NHSL1: variants seen among roughly 807,000 people sequenced by gnomAD.
NHSL1 encodes the protein NHS-like protein 1.
A neutral mutation model predicts 95.0 loss-of-function variants in NHSL1; 48 were observed. The observed-to-expected ratio is 0.51, with a 90% CI of 0.40 to 0.64. The LOEUF (loss-of-function observed/expected upper bound fraction) is 0.64, where lower values mean the gene tolerates loss of function less well. Among genes scored for constraint, NHSL1 ranks in the 30% least tolerant of loss-of-function variants. The pLI is 0.00. For missense variants in NHSL1, 1,971 were observed against 2,077.7 expected (o/e 0.95, Z 1.00); for synonymous variants, 783 against 833.9 (o/e 0.94, Z 1.05).
In NHSL1 at chr6:138,433,311, C is replaced by A; in HGVS notation, c.1034G>T (p.Gly345Val). 3 of 1,551,768 alleles carry A rather than the reference C, an allele frequency of 1.9e-6. No homozygotes were observed. Among genetic ancestry groups the A allele is most frequent in the Non-Finnish European group, 2.6e-6 (3 of 1,146,994 alleles). Residue 345 changes from glycine to valine, a missense_variant, in exon 6 of 8, where the codon GGC becomes GTC. By Grantham distance (109) the Gly-to-Val change is moderately radical (BLOSUM62 -3). Around this residue, in one of 3 missense-constraint regions of NHSL1, gnomAD observed 1,602 missense variants for 1,654.5 expected, o/e 0.97. Transcript: ENST00000343505. ...QSLEPRLGAL[G>V]PAGDMNGTFL... is the part of the protein sequence containing the mutation. ...AGTGCCATTCATGTCTCCTGCAGGG[C>A]CGAGGGCACCCAGCCTCGGCTCAAG...
intron 5 of NHSL1, among the ~76,000 whole-genome samples, chr6:138,434,701 G>A (rs1365248075): frequency 2.0e-5 from 3 of 151,978 alleles, no homozygotes; most frequent in Non-Finnish European, 4.4e-5. Context: ...ATCTCAACAC[G>A]GGCTTTGCTG....
At chr6:138,666,093 C>T (rs1374181274) in intron 1 of NHSL1, among the ~76,000 whole-genome samples, 2 of 151,468 alleles carry the variant, frequency 1.3e-5, no homozygotes, top group African/African-American at 4.9e-5. Context: ...CACCTGAAGT[C>T]AGGAGTTCGA....
Position 138,675,455 on chromosome 6 carries a change from G to A in NHSL1, c.96+17021C>T, listed in dbSNP as rs548115606. Among the ~76,000 whole-genome samples the A allele has an allele frequency of 2.0e-4, 30 of 152,254 alleles. No homozygotes were observed. The South Asian group carries it at 6.2e-3, about 32-fold the overall frequency. The stretch of plus-strand genomic sequence containing the variant: ...CACAGCTTAGGGAAGAGGGTGGGAG[G>A]AGTAGGAAAATGTCATCTTGGTATA... On this transcript the variant is annotated intron_variant, in intron 1 of 3. Transcript: ENST00000491526.
At chr6:138,544,537 G>A (rs1352455956) in intron 1 of NHSL1, among the ~76,000 whole-genome samples, 1 of 152,082 alleles carries the variant, frequency 6.6e-6, no homozygotes, top group Non-Finnish European at 1.5e-5. Flanking sequence ...TCAAAATAAG[G>A]TTAAAATTGC....
In NHSL1 at chr6:138,597,681, C is replaced by T. The variant is rs139223576; in HGVS notation, c.96+94795G>A. On this transcript the variant is annotated intron_variant, in intron 1 of 3. Coordinates refer to the NHSL1 transcript ENST00000491526. ...ATTCCACACACATGTAAGCATCCAACGGTTTCATTCCATCTTCCAGTAAGT... is the reference window on the plus strand; with the variant it reads ...ATTCCACACACATGTAAGCATCCAATGGTTTCATTCCATCTTCCAGTAAGT... 2.5e-3 allele frequency among the ~76,000 whole-genome samples: 382 copies of T among 152,270 alleles called. 8 individuals are homozygous for T. The highest frequency in any genetic ancestry group is 0.022 in the Admixed American group (335 of 15,284).
Position 138,424,286 on chromosome 6 carries a change from A to T in NHSL1, c.4616T>A (p.Ile1539Lys), listed in dbSNP as rs1015008144. 6 of 1,507,248 alleles carry T rather than the reference A, an allele frequency of 4.0e-6. No individual in the cohort carries two copies. In the African/African-American group the frequency reaches 8.4e-5, roughly 21 times the overall value. 93.4% of individuals were successfully genotyped at this position (1,507,248 alleles called of 1,614,324 possible). The change falls in exon 8 of 8, where the codon ATA (isoleucine) becomes AAA (lysine). Residue 1539 changes from isoleucine to lysine, a missense_variant. Transcript: ENST00000343505. The surrounding 1 kb of genome is among the most constrained non-coding windows in gnomAD (Gnocchi z 5.9). The part of the protein sequence containing the change: ...EGEAVEPVDS[I>K]ARGALGAAEG... ...CGCAGCGCCCAGAGCCCCGCGGGCT[A>T]TGCTGTCCACAGGCTCCACGGCTTC...
chr6:138,468,442 C>T (rs886998276), intron 3 of NHSL1, among the ~76,000 whole-genome samples: 3 of 152,162 alleles, frequency 2.0e-5, no homozygotes, highest in South Asian at 2.1e-4. Context: ...AGGAGGTGAG[C>T]GGCAGTCAAG....
chr6:138,588,506 C>T (rs1384683708), intron 1 of NHSL1, among the ~76,000 whole-genome samples: 1 of 151,294 alleles, frequency 6.6e-6, no homozygotes, highest in Admixed American at 6.6e-5. Context: ...ACTGCAACTA[C>T]ACTGAAAACA....
Position 138,424,515 on chromosome 6 carries a change from T to C in NHSL1, c.4387A>G (p.Ser1463Gly), listed in dbSNP as rs1246255685. 7 of 1,551,574 alleles carry C rather than the reference T, an allele frequency of 4.5e-6. No homozygotes were observed. Among genetic ancestry groups the C allele is most frequent in the Non-Finnish European group, 6.1e-6 (7 of 1,146,956 alleles). The change falls in exon 8 of 8, where the codon AGC becomes GGC. Residue 1463 changes from serine to glycine, a missense_variant. Ser to Gly is a moderately conservative substitution (Grantham distance 56). This residue lies in a region of NHSL1 where 223 missense variants were observed against 217.0 expected (regional missense o/e 1.03). Transcript: ENST00000343505. This position sits in a 1 kb window ranked among gnomAD's most constrained non-coding sequence, Gnocchi z 5.9. Reference sequence around the variant, plus strand: ...TTGCTTGGGGAGCAGCTTGACGGGCTCTCGGGGGCATCTGGGGAAGGCTCT... The same window carrying C: ...TTGCTTGGGGAGCAGCTTGACGGGCCCTCGGGGGCATCTGGGGAAGGCTCT... ...RSEPSPDAPE[S>G]PSSCSPSKNR...
chr6:138,461,576 T>C (rs1206905183), intron 3 of NHSL1, among the ~76,000 whole-genome samples: 1 of 152,200 alleles, frequency 6.6e-6, no homozygotes, highest in East Asian at 1.9e-4. Flanking sequence ...AATTAACTAT[T>C]AAATATTAGA....
chr6:138,606,702 C>CT (rs777156294), intron 1 of NHSL1, among the ~76,000 whole-genome samples: 20,416 of 123,356 alleles, frequency 0.17, 2,962 homozygotes, highest in African/African-American at 0.37. Context: ...TTCTTTCTTT[C>CT]TTTTTTTTTT....
intron 3 of NHSL1, among the ~76,000 whole-genome samples, chr6:138,462,743 C>T (rs1303366779): frequency 6.6e-6 from 1 of 152,196 alleles, no homozygotes; most frequent in African/African-American, 2.4e-5. Context: ...GTGAAATATA[C>T]CTTGGCGTTC....
chr6:138,650,165 T>G, intron 1 of NHSL1: 1 of 561,266 alleles, frequency 1.8e-6, no homozygotes, highest in Non-Finnish European at 3.5e-6. Flanking sequence ...CCCGAGATGG[T>G]CAGGCCTCAC....
intron 1 of NHSL1, among the ~76,000 whole-genome samples, chr6:138,618,715 C>A (rs182763870): frequency 2.7e-3 from 414 of 152,208 alleles, no homozygotes; most frequent in Non-Finnish European, 1.8e-3. Flanking sequence ...TATCTAGAAT[C>A]ATCTGCTCTT....
chr6:138,451,081 C>T (rs1470789931), intron 3 of NHSL1, among the ~76,000 whole-genome samples: 1 of 152,186 alleles, frequency 6.6e-6, no homozygotes, highest in Non-Finnish European at 1.5e-5. Context: ...CTCCTCTGTT[C>T]AAACCCTCCA....
intron 1 of NHSL1, among the ~76,000 whole-genome samples, chr6:138,682,636 G>GGAATCGAT (rs1785526516): frequency 6.6e-6 from 1 of 151,020 alleles, no homozygotes; most frequent in Non-Finnish European, 1.5e-5. Flanking sequence ...ATACAGTTCA[G>GGAATCGAT]GAATGGATGA....
chr6:138,639,314 T>C (rs1174699583), intron 1 of NHSL1, among the ~76,000 whole-genome samples: 1 of 152,138 alleles, frequency 6.6e-6, no homozygotes, highest in African/African-American at 2.4e-5. Flanking sequence ...AATTCCCCTA[T>C]AACAACTTTT....
rs968246825 is a variant in NHSL1, at chr6:138,496,321, G to A, written c.109C>T (p.Pro37Ser). The change falls in exon 2 of 8, where the codon CCG becomes TCG. Residue 37 changes from proline (P) to serine (S), a missense_variant. Pro to Ser is a moderately conservative substitution (Grantham distance 74). Around this residue, in one of 3 missense-constraint regions of NHSL1, gnomAD observed 1,602 missense variants for 1,654.5 expected, o/e 0.97. Transcript: ENST00000343505. ...AACACATTCTCCTGCTGGTGCCACGGGGCAGTGTAGTGGACTGTCCATCGG... is the reference window on the plus strand; with the variant it reads ...AACACATTCTCCTGCTGGTGCCACGAGGCAGTGTAGTGGACTGTCCATCGG... Reference protein sequence around the residue: ...ESRWTVHYTAPWHQQENVFLP... With the variant: ...ESRWTVHYTASWHQQENVFLP... The A allele has an allele frequency of 6.4e-7, 1 of 1,550,656 alleles. No homozygotes were observed. Among genetic ancestry groups the A allele is most frequent in the South Asian group, 1.2e-5 (1 of 84,016 alleles).
At chr6:138,562,620 C>G (rs933632925) in intron 1 of NHSL1, among the ~76,000 whole-genome samples, 2 of 152,170 alleles carry the variant, frequency 1.3e-5, no homozygotes, top group African/African-American at 4.8e-5. Context: ...CGAGATCACA[C>G]CAGTCCACTC....
Sources: allele counts gnomAD v4.1 joint callset (sites outside exome capture counted in the v4.1 genomes callset), GRCh38; gene constraint gnomAD v4.1.1; regional missense constraint gnomAD v4.1.1; non-coding constraint Gnocchi (gnomAD v3.1); transcripts MANE v1.5; gene names NCBI Gene and HGNC (gene_info 2026-07-23, HGNC 2026-07-21).